Variants in PTK2 observed in about 807,000 individuals in gnomAD.
PTK2 encodes the protein protein tyrosine kinase 2.
PTK2 carries 45 observed loss-of-function variants against 150.1 expected under a neutral mutation model. The ratio of observed to expected loss-of-function variants is 0.30; its 90% CI spans 0.24 to 0.38. The LOEUF is 0.38. PTK2 is among the 10% of genes least tolerant of loss of function. The pLI is 1.00. For missense variants in PTK2, 919 were observed against 1,307.3 expected (o/e 0.70, Z 4.58); for synonymous variants, 432 against 449.2 (o/e 0.96, Z 0.48).
At chr8:140,787,199 A>C (rs2100085469) in intron 14 of PTK2, among the ~76,000 whole-genome samples, 1 of 152,208 alleles carries the variant, frequency 6.6e-6, no homozygotes, top group Non-Finnish European at 1.5e-5. Context: ...GAAAAAATGA[A>C]AGCACGATCA....
intron 22 of PTK2, among the ~76,000 whole-genome samples, chr8:140,725,100 A>T (rs543300145): frequency 2.3e-4 from 35 of 152,204 alleles, no homozygotes; most frequent in South Asian, 6.2e-4. Context: ...AATTATTTTT[A>T]AAAAAACCCT....
intron 5 of PTK2, among the ~76,000 whole-genome samples, chr8:140,850,098 CAA>C (rs148823429): frequency 6.6e-6 from 1 of 150,396 alleles, no homozygotes; most frequent in Non-Finnish European, 1.5e-5. Flanking sequence ...AAGATCCTTC[CAA>C]AAAAAAAGAC....
chr8:140,678,809 T>C (rs542579024), intron 27 of PTK2, among the ~76,000 whole-genome samples: 9 of 151,976 alleles, frequency 5.9e-5, no homozygotes, highest in East Asian at 1.9e-4. Flanking sequence ...TCAGGGCAGA[T>C]AGAGAGGCGT....
chr8:140,805,405 A>G (rs2100097626), intron 10 of PTK2, among the ~76,000 whole-genome samples: 1 of 152,022 alleles, frequency 6.6e-6, no homozygotes, highest in South Asian at 2.1e-4. Context: ...CTAAAAATAC[A>G]AAAATTAGCT....
chr8:140,976,214 TAAAC>T (rs1285863115), intron 1 of PTK2, among the ~76,000 whole-genome samples: 3 of 152,192 alleles, frequency 2.0e-5, no homozygotes, highest in Non-Finnish European at 4.4e-5. Context: ...CATTTTCTCT[TAAAC>T]AGACTACACA....
At chr8:140,846,000 A>T (rs936418689) in intron 7 of PTK2, among the ~76,000 whole-genome samples, 2 of 140,636 alleles carry the variant, frequency 1.4e-5, no homozygotes, top group African/African-American at 6.5e-5. Context: ...TATAAATTAG[A>T]AAAAAATATC....
At chr8:140,696,933 G>T (rs933414703) in intron 26 of PTK2, among the ~76,000 whole-genome samples, 1 of 151,724 alleles carries the variant, frequency 6.6e-6, no homozygotes, top group African/African-American at 2.4e-5. Flanking sequence ...ATTAAGAAAG[G>T]TACTTGTTCC....
rs199898456 is a variant in PTK2 at position 140,880,027 on chromosome 8, G to A, written c.196-390C>T. On this transcript the variant is annotated intron_variant, in intron 3 of 31. Coordinates refer to ENST00000522684, the Ensembl canonical transcript of PTK2. ...ACTACTTTCTAAGGTCCAGACCCAAGGAGGGGTTATACTTTCAAAAACAGG... is the reference window on the plus strand; with the variant it reads ...ACTACTTTCTAAGGTCCAGACCCAAAGAGGGGTTATACTTTCAAAAACAGG... 2.0e-5 allele frequency among the ~76,000 whole-genome samples: 3 copies of A among 152,230 alleles called. No individual in the cohort carries two copies. The East Asian group carries it at 5.8e-4, about 29-fold the overall frequency.
intron 1 of PTK2, among the ~76,000 whole-genome samples, chr8:140,988,774 T>G: frequency 6.9e-6 from 1 of 144,292 alleles, no homozygotes; most frequent in Non-Finnish European, 1.5e-5. Flanking sequence ...TACGGACAAG[T>G]GATTTACAAC....
chr8:140,830,069 A>G (rs4434666), intron 8 of PTK2, among the ~76,000 whole-genome samples: 88,226 of 151,898 alleles, frequency 0.58, 27,247 homozygotes, highest in African/African-American at 0.79. Context: ...ATGCACTAAC[A>G]TGCACGCACA....
chr8:140,770,309 T>C (rs1236070531), intron 14 of PTK2, among the ~76,000 whole-genome samples: 1 of 152,190 alleles, frequency 6.6e-6, no homozygotes, highest in Non-Finnish European at 1.5e-5. Flanking sequence ...CCCCAAAGCA[T>C]GAAAAGCAGA....
At chr8:140,805,252 T>C (rs2154598374) in intron 10 of PTK2, among the ~76,000 whole-genome samples, 1 of 152,284 alleles carries the variant, frequency 6.6e-6, no homozygotes, top group Non-Finnish European at 1.5e-5. Context: ...TCCAGGCTTC[T>C]TGACTTCAAT....
chr8:140,775,534 G>C (rs1460200795), intron 14 of PTK2, among the ~76,000 whole-genome samples: 3 of 151,836 alleles, frequency 2.0e-5, no homozygotes, highest in Non-Finnish European at 4.4e-5. Flanking sequence ...TTTAAGACGG[G>C]GTTTTGCTAT....
intron 1 of PTK2, among the ~76,000 whole-genome samples, chr8:140,981,537 CA>C (rs1791758870): frequency 6.6e-6 from 1 of 152,196 alleles, no homozygotes; most frequent in Non-Finnish European, 1.5e-5. Context: ...ACGAGAACAG[CA>C]AACTATGACC....
chr8:140,665,164 C>T (rs894498796), intron 30 of PTK2, among the ~76,000 whole-genome samples, 167 bp from the exon 35 acceptor site: 1 of 151,948 alleles, frequency 6.6e-6, no homozygotes, highest in East Asian at 1.9e-4. Flanking sequence ...CCTTTTTCTC[C>T]CAAAAGATTT....
chr8:140,807,520 G>A (rs1218967228), intron 10 of PTK2, among the ~76,000 whole-genome samples: 2 of 152,216 alleles, frequency 1.3e-5, no homozygotes, highest in African/African-American at 4.8e-5. Flanking sequence ...GAGGGAAAGA[G>A]CACTTGAGAA....
rs1306688592 is a variant in PTK2 at position 140,679,684 on chromosome 8, T to G, written c.2563-4185A>C. ...GGTTGTCATCACAAAATGAACATGC[T>G]GTCAACCTGTGTATTAAAGTCTAAA... On this transcript the variant is annotated intron_variant, in intron 27 of 31. Coordinates refer to ENST00000522684, the Ensembl canonical transcript of PTK2. 2.0e-5 allele frequency among the ~76,000 whole-genome samples: 3 copies of G among 152,222 alleles called. No homozygotes were observed. In the East Asian group the frequency reaches 5.8e-4, roughly 29 times the overall value.
chr8:140,786,147 G>T (rs2100084812), intron 14 of PTK2, among the ~76,000 whole-genome samples: 1 of 152,168 alleles, frequency 6.6e-6, no homozygotes, highest in Non-Finnish European at 1.5e-5. Context: ...AAACAGAAAT[G>T]TAAAACTGAG....
At chr8:140,739,148 T>C (rs370547137) in intron 20 of PTK2, 41 bp from the exon 24 acceptor site, 4 of 1,357,424 alleles carry the variant, frequency 2.9e-6, no homozygotes, top group African/African-American at 1.5e-5. Flanking sequence ...CCTTGTTATC[T>C]GCTTAAGAAT....
Sources: allele counts gnomAD v4.1 joint callset (sites outside exome capture counted in the v4.1 genomes callset), GRCh38; gene constraint gnomAD v4.1.1; transcripts MANE v1.5; gene names NCBI Gene and HGNC (gene_info 2026-07-23, HGNC 2026-07-21).